Variants in PTPRN2 observed in about 807,000 individuals in gnomAD.
PTPRN2 encodes protein tyrosine phosphatase receptor type N2.
A neutral mutation model predicts 118.8 loss-of-function variants in PTPRN2; 74 were observed. That is an observed-to-expected ratio of 0.62 (90% CI 0.52 to 0.76). PTPRN2 has a LOEUF of 0.76. PTPRN2 is among the 30% of genes least tolerant of loss of function. PTPRN2 has a pLI of 0.00. For missense variants in PTPRN2, 1,481 were observed against 1,394.4 expected (o/e 1.06, Z -0.99); for synonymous variants, 641 against 608.0 (o/e 1.05, Z -0.80).
At chr7:158,339,986 T>A (rs1189209855) in intron 2 of PTPRN2, among the ~76,000 whole-genome samples, 21 of 39,778 alleles carry the variant, frequency 5.3e-4, no homozygotes, top group South Asian at 1.3e-3. Context: ...ATAAGAGCTG[T>A]CGCCCGCAGA....
At chr7:158,194,326 G>A (rs867250429) in intron 4 of PTPRN2, among the ~76,000 whole-genome samples, 17 of 152,288 alleles carry the variant, frequency 1.1e-4, no homozygotes, top group South Asian at 8.3e-4. Context: ...AATTGAGTGC[G>A]TCATTTATGT....
chr7:157,571,148 T>G (rs1331019990), intron 20 of PTPRN2, among the ~76,000 whole-genome samples: 1 of 144,072 alleles, frequency 6.9e-6, no homozygotes, highest in Non-Finnish European at 1.5e-5. Flanking sequence ...GAGGTGGAGG[T>G]TGCAGTGAGC....
rs1263771218 is a variant in PTPRN2, at chr7:158,139,489, G to GC, written c.911-975dup. Among the ~76,000 whole-genome samples, 28 of 151,302 alleles carry GC rather than the reference G, an allele frequency of 1.9e-4. No individual in the cohort carries two copies. In the South Asian group the frequency reaches 3.8e-3, roughly 20 times the overall value. On this transcript the variant is annotated intron_variant, in intron 6 of 22. Coordinates refer to ENST00000389418, the MANE Select transcript of PTPRN2 (RefSeq NM_002847.5). Reference sequence around the variant, plus strand: ...CATCCAAGCCGTCGGAGTCAGGAGGGCACGGGGGGGTGGGAAAGGAACCAG... The same window carrying GC: ...CATCCAAGCCGTCGGAGTCAGGAGGGCCACGGGGGGGTGGGAAAGGAACCAG...
At chr7:158,323,680 G>C (rs1803220732) in intron 2 of PTPRN2, among the ~76,000 whole-genome samples, 1 of 152,132 alleles carries the variant, frequency 6.6e-6, no homozygotes, top group Non-Finnish European at 1.5e-5. Flanking sequence ...GTGGTCCTTA[G>C]AGCACTGTTC....
rs1356705730 is a variant in PTPRN2, at chr7:157,874,752, G to C, written c.1788+23921C>G. On this transcript the variant is annotated intron_variant, in intron 12 of 22. Coordinates refer to ENST00000389418, the MANE Select transcript of PTPRN2 (RefSeq NM_002847.5). This position sits in a 1 kb window ranked among gnomAD's most constrained non-coding sequence, Gnocchi z 5.8. ...AGAGACACACTCATGCACATACACA[G>C]ACACACACTCATGCACACACACACG... Among the ~76,000 whole-genome samples, 1 of 144,266 alleles carries C rather than the reference G, an allele frequency of 6.9e-6. No individual in the cohort carries two copies. Among genetic ancestry groups the C allele is most frequent in the African/African-American group, 2.7e-5 (1 of 37,400 alleles). 94.6% of individuals were successfully genotyped at this position (144,266 alleles called of 152,430 possible).
intron 11 of PTPRN2, among the ~76,000 whole-genome samples, chr7:157,971,196 A>ATATTTG (rs1585112182): frequency 1.3e-5 from 2 of 152,326 alleles, no homozygotes; most frequent in East Asian, 3.9e-4. Flanking sequence ...TACATACTAA[A>ATATTTG]TATTTGTACT....
chr7:158,195,055 C>G lies in PTPRN2; in HGVS notation c.381-2560G>C, dbSNP rs550196421. Among the ~76,000 whole-genome samples, 10 of 152,332 alleles carry G rather than the reference C, an allele frequency of 6.6e-5. No homozygotes were observed. The South Asian group carries it at 2.1e-3, about 32-fold the overall frequency. Reference sequence around the variant, plus strand: ...GTGGATGCAGTTGCCTTCGCGTGTTCTCTCATTGGTTTCCATCTGGCACCT... The same window carrying G: ...GTGGATGCAGTTGCCTTCGCGTGTTGTCTCATTGGTTTCCATCTGGCACCT... On this transcript the variant is annotated intron_variant, in intron 4 of 22. Coordinates refer to ENST00000389418, the MANE Select transcript of PTPRN2 (RefSeq NM_002847.5).
intron 12 of PTPRN2, among the ~76,000 whole-genome samples, chr7:157,840,518 T>G (rs1808343027): frequency 6.6e-6 from 1 of 152,160 alleles, no homozygotes; most frequent in African/African-American, 2.4e-5. Flanking sequence ...TGTGTGTGAC[T>G]GTGTAACCAT....
At chr7:158,309,401 G>T (rs550720703) in intron 3 of PTPRN2, among the ~76,000 whole-genome samples, 1 of 152,318 alleles carries the variant, frequency 6.6e-6, no homozygotes, top group African/African-American at 2.4e-5. Context: ...CGGACCTCAA[G>T]TTATTCAGCT....
intron 1 of PTPRN2, among the ~76,000 whole-genome samples, chr7:158,501,195 G>A (rs996592593): frequency 6.6e-6 from 1 of 152,232 alleles, no homozygotes; most frequent in East Asian, 1.9e-4. Context: ...TTGCGGAGCC[G>A]CAGAGGGGAA....
rs1384964874 is a variant in PTPRN2, at chr7:158,015,869, G to C, written c.1723+65429C>G. Among the ~76,000 whole-genome samples, 5 of 152,210 alleles carry C rather than the reference G, an allele frequency of 3.3e-5. No individual in the cohort carries two copies. In the South Asian group the frequency reaches 1.0e-3, roughly 32 times the overall value. ...ACACGGAAGCCGCGATCGAGGAGGA[G>C]GGGGAACAAAAGGGTCAGCTTCCGC... On this transcript the variant is annotated intron_variant, in intron 11 of 22. Transcript: ENST00000389418. The surrounding 1 kb of genome is among the most constrained non-coding windows in gnomAD (Gnocchi z 4.2).
At chr7:158,053,969 G>A (rs1809563494) in intron 11 of PTPRN2, among the ~76,000 whole-genome samples, 1 of 150,812 alleles carries the variant, frequency 6.6e-6, no homozygotes, top group South Asian at 2.1e-4. Context: ...CAGAGATGCA[G>A]AGACCCTAGA....
intron 14 of PTPRN2, among the ~76,000 whole-genome samples, chr7:157,653,228 G>C (rs891887515): frequency 1.3e-5 from 2 of 152,134 alleles, no homozygotes; most frequent in Admixed American, 1.3e-4. Context: ...CAGATGCCAC[G>C]TTTTGTCCAA....
intron 12 of PTPRN2, among the ~76,000 whole-genome samples, chr7:157,814,155 C>T (rs1005735626): frequency 1.3e-5 from 2 of 152,246 alleles, no homozygotes; most frequent in African/African-American, 4.8e-5. Flanking sequence ...TGCTCAGGAA[C>T]CCCTCCCTGG....
intron 12 of PTPRN2, among the ~76,000 whole-genome samples, chr7:157,745,723 C>T (rs1475890910): frequency 1.3e-5 from 2 of 152,156 alleles, no homozygotes; most frequent in African/African-American, 2.4e-5. Context: ...TAAAGCAAAA[C>T]GCTCACCCAA....
chr7:158,373,612 G>A (rs1311575878), intron 2 of PTPRN2, among the ~76,000 whole-genome samples: 1 of 152,200 alleles, frequency 6.6e-6, no homozygotes, highest in African/African-American at 2.4e-5. Flanking sequence ...ACATTTGGTT[G>A]TTTTAGGTTT....
At chr7:158,332,210 C>T (rs1480290162) in intron 2 of PTPRN2, among the ~76,000 whole-genome samples, 2 of 149,906 alleles carry the variant, frequency 1.3e-5, no homozygotes, top group South Asian at 2.1e-4. Flanking sequence ...GCAGACATCA[C>T]TCACATCCAC....
chr7:158,042,806 C>T (rs1336632375), intron 11 of PTPRN2, among the ~76,000 whole-genome samples: 1 of 152,230 alleles, frequency 6.6e-6, no homozygotes, highest in Non-Finnish European at 1.5e-5. Context: ...AAAGGGAGTA[C>T]TGGCTTGCAG....
chr7:158,331,803 C>T (rs1187388170), intron 2 of PTPRN2, among the ~76,000 whole-genome samples: 1 of 150,604 alleles, frequency 6.6e-6, no homozygotes, highest in African/African-American at 2.5e-5. Flanking sequence ...TCACTCACAC[C>T]CACACTGTCA....
Sources: allele counts gnomAD v4.1 joint callset (sites outside exome capture counted in the v4.1 genomes callset), GRCh38; gene constraint gnomAD v4.1.1; non-coding constraint Gnocchi (gnomAD v3.1); transcripts MANE v1.5; gene names NCBI Gene and HGNC (gene_info 2026-07-23, HGNC 2026-07-21).